Variants in NEK7 observed in about 807,000 individuals in gnomAD.
NEK7 encodes serine/threonine-protein kinase Nek7.
Under a neutral mutation model 44.6 loss-of-function variants are expected in NEK7, and 18 were observed. The observed-to-expected ratio is 0.40, with a 90% CI of 0.28 to 0.60. The LOEUF is 0.60. Ranked by LOEUF, NEK7 falls within the 20% of genes least tolerant of loss-of-function variation. The pLI is 0.38. For missense variants in NEK7, 256 were observed against 366.5 expected (o/e 0.70, Z 2.46); for synonymous variants, 130 against 121.1 (o/e 1.07, Z -0.48).
rs34704209 is a variant in NEK7, at chr1:198,317,877, A to ATTTTTTTTT, written c.799-1520_799-1512dup. On this transcript the variant is annotated intron_variant, in intron 9 of 9. Coordinates refer to ENST00000367385, the MANE Select transcript of NEK7 (RefSeq NM_133494.3). ...GCATTGTGTATTACTGGATATATTT[A>ATTTTTTTTT]TTTTTTTTTTTTTTTTTTTTTTTGG... 3.4e-3 allele frequency among the ~76,000 whole-genome samples: 238 copies of ATTTTTTTTT among 69,408 alleles called. 2 individuals carry two copies. Among genetic ancestry groups the ATTTTTTTTT allele is most frequent in the Non-Finnish European group, 4.0e-3 (163 of 40,442 alleles). 45.5% of individuals were successfully genotyped at this position (69,408 alleles called of 152,430 possible).
intron 7 of NEK7, among the ~76,000 whole-genome samples, chr1:198,291,240 G>C (rs1306654012): frequency 6.6e-6 from 1 of 152,124 alleles, no homozygotes; most frequent in Non-Finnish European, 1.5e-5. Flanking sequence ...GCCTCTCTCT[G>C]CACATTCCTC....
intron 9 of NEK7, among the ~76,000 whole-genome samples, chr1:198,303,489 T>C (rs1465662123): frequency 6.6e-6 from 1 of 151,832 alleles, no homozygotes; most frequent in East Asian, 1.9e-4. Flanking sequence ...TATGTAAATA[T>C]GAAAAAAAAA....
chr1:198,312,040 A>G (rs577274830), intron 9 of NEK7, among the ~76,000 whole-genome samples: 5 of 152,342 alleles, frequency 3.3e-5, no homozygotes, highest in African/African-American at 1.2e-4. Context: ...TACCTCTGGT[A>G]GAATTCGGCT....
intron 1 of NEK7, among the ~76,000 whole-genome samples, chr1:198,228,050 G>T (rs933693806): frequency 3.3e-5 from 5 of 152,138 alleles, no homozygotes; most frequent in African/African-American, 1.2e-4. Context: ...TTTGTATAAG[G>T]TGTAAGGAAG....
At chr1:198,315,022 C>A (rs1655314946) in intron 9 of NEK7, among the ~76,000 whole-genome samples, 1 of 152,186 alleles carries the variant, frequency 6.6e-6, no homozygotes. Context: ...GCGGGCGCCC[C>A]TCCCCCAGCC....
At chr1:198,180,925 A>G (rs931997477) in intron 1 of NEK7, among the ~76,000 whole-genome samples, 3 of 152,110 alleles carry the variant, frequency 2.0e-5, no homozygotes, top group Admixed American at 6.6e-5. Context: ...TTAAATATAC[A>G]TTCATAATAT....
At chr1:198,199,532 CTT>C (rs142450210) in intron 1 of NEK7, among the ~76,000 whole-genome samples, 2 of 149,240 alleles carry the variant, frequency 1.3e-5, no homozygotes, top group African/African-American at 4.9e-5. Flanking sequence ...CTATACTATA[CTT>C]TTTTTTTTAT....
intron 1 of NEK7, among the ~76,000 whole-genome samples, chr1:198,206,328 T>C (rs920658047): frequency 2.0e-5 from 3 of 152,182 alleles, no homozygotes; most frequent in Non-Finnish European, 4.4e-5. Flanking sequence ...TTGGCTGATA[T>C]GTGCTCATTT....
At position 198,196,866 on chromosome 1, in the gene NEK7, C is replaced by T. The variant is rs577624341; in HGVS notation, c.-28-35687C>T. 5.9e-5 allele frequency among the ~76,000 whole-genome samples: 9 copies of T among 152,210 alleles called. 1 individual carries two copies. The South Asian group carries it at 1.7e-3, about 28-fold the overall frequency. ...ATGCAAGGAAGAGTTTGGGAATGGA[C>T]GTGGGGTTGGTCAGTCTACAGAGTC... is the stretch of plus-strand genomic sequence containing the variant. On this transcript the variant is annotated intron_variant, in intron 1 of 9. Coordinates refer to ENST00000367385, the MANE Select transcript of NEK7 (RefSeq NM_133494.3).
At chr1:198,280,933 T>C (rs1027219904) in intron 7 of NEK7, among the ~76,000 whole-genome samples, 1 of 151,618 alleles carries the variant, frequency 6.6e-6, no homozygotes. Context: ...ACAAGTATTT[T>C]TTGTTTTACA....
At chr1:198,266,113 C>A (rs1441201765) in intron 5 of NEK7, among the ~76,000 whole-genome samples, 1 of 152,038 alleles carries the variant, frequency 6.6e-6, no homozygotes, top group Non-Finnish European at 1.5e-5. Flanking sequence ...TTTATTCTTT[C>A]TCAGACACAT....
intron 3 of NEK7, among the ~76,000 whole-genome samples, chr1:198,254,882 A>C (rs2102930773): frequency 6.6e-6 from 1 of 152,298 alleles, no homozygotes; most frequent in East Asian, 1.9e-4. Context: ...GAAAGAGATT[A>C]CTTTTGGAAC....
intron 1 of NEK7, among the ~76,000 whole-genome samples, chr1:198,167,974 T>C (rs1664321108): frequency 6.6e-6 from 1 of 152,226 alleles, no homozygotes; most frequent in African/African-American, 2.4e-5. Flanking sequence ...TTCAAAAGCC[T>C]GTTTGGCAAT....
At chr1:198,255,412 A>T (rs184998188) in intron 3 of NEK7, among the ~76,000 whole-genome samples, 6 of 152,174 alleles carry the variant, frequency 3.9e-5, no homozygotes, top group African/African-American at 9.6e-5. Context: ...TCTGATTCTG[A>T]GTGTGGAAAA....
intron 5 of NEK7, among the ~76,000 whole-genome samples, chr1:198,264,621 A>G (rs1254650266): frequency 2.0e-5 from 3 of 151,978 alleles, no homozygotes; most frequent in East Asian, 1.9e-4. Context: ...TTGGGGGGGA[A>G]TCCATCAAAG....
Position 198,174,565 on chromosome 1 carries a change from C to T in NEK7, c.-29+17289C>T, listed in dbSNP as rs1353826561. ...GACTCTTGTTATGACTAACTCAGGT[C>T]CTAAGAATGCAGTCAGGGCCTAAGT... On this transcript the variant is annotated intron_variant, in intron 1 of 9. Coordinates refer to ENST00000367385, the MANE Select transcript of NEK7 (RefSeq NM_133494.3). Among the ~76,000 whole-genome samples the T allele has an allele frequency of 3.9e-5, 6 of 152,090 alleles. 1 individual carries two copies. In the South Asian group the frequency reaches 1.0e-3, roughly 26 times the overall value.
At chr1:198,160,405 C>CA (rs1180350519) in intron 1 of NEK7, among the ~76,000 whole-genome samples, 1 of 151,750 alleles carries the variant, frequency 6.6e-6, no homozygotes, top group African/African-American at 2.4e-5. Flanking sequence ...TGCAGCTGCA[C>CA]AAAACAGCAC....
intron 9 of NEK7, among the ~76,000 whole-genome samples, chr1:198,318,729 T>A (rs1655447967): frequency 6.6e-6 from 1 of 152,084 alleles, no homozygotes; most frequent in African/African-American, 2.4e-5. Flanking sequence ...GAGGACCATA[T>A]AGGAGGGTAG....
Position 198,232,544 on chromosome 1 carries a change from T to C in NEK7, c.-28-9T>C. The C allele has an allele frequency of 7.3e-7, 1 of 1,367,174 alleles. No individual in the cohort carries two copies. The highest frequency in any genetic ancestry group is 1.0e-6 in the Non-Finnish European group (1 of 956,676). The allele number at this position is 1,367,174 out of a possible 1,614,324, so 84.7% of individuals were successfully genotyped here. A position where few individuals can be genotyped will look rare whatever the true frequency, so the allele number is the denominator to read the frequency against. On this transcript the variant is annotated splice_polypyrimidine_tract_variant and intron_variant, in intron 1 of 9. Coordinates refer to ENST00000367385, the MANE Select transcript of NEK7 (RefSeq NM_133494.3). ...ACATTATTTAAATTTCAACTTTACATTTTTGCAGAGTTCTAAAGTTCCTGT... is the reference window on the plus strand; with the variant it reads ...ACATTATTTAAATTTCAACTTTACACTTTTGCAGAGTTCTAAAGTTCCTGT...
Sources: gnomAD v4.1 joint callset for allele counts (sites outside exome capture counted in the v4.1 genomes callset) on GRCh38, gnomAD v4.1.1 for gene constraint, MANE v1.5 for transcripts, NCBI Gene and HGNC (gene_info 2026-07-23, HGNC 2026-07-21) for gene names.